The following DNAAF4 variants were observed in gnomAD, a reference collection of about 807,000 sequenced individuals.
DNAAF4 encodes dynein axonemal assembly factor 4, also known as dynein assembly factor 4, axonemal.
Under a neutral mutation model 51.8 loss-of-function variants are expected in DNAAF4, and 43 were observed. The observed-to-expected ratio is 0.83, with a 90% CI of 0.65 to 1.07. DNAAF4 has a LOEUF of 1.07. Among genes scored for constraint, DNAAF4 ranks in the 50% least tolerant of loss-of-function variants. The pLI is 0.00. For missense variants in DNAAF4, 581 were observed against 493.0 expected (o/e 1.18, Z -1.69); for synonymous variants, 194 against 165.6 (o/e 1.17, Z -1.32).
intron 4 of DNAAF4, among the ~76,000 whole-genome samples, chr15:55,479,218 C>T (rs1385111773): frequency 6.6e-6 from 1 of 151,580 alleles, no homozygotes; most frequent in Admixed American, 6.6e-5. Flanking sequence ...AGAACAAAAC[C>T]ACTTGGGCAA....
intron 4 of DNAAF4, among the ~76,000 whole-genome samples, chr15:55,487,960 T>C (rs991477382): frequency 6.6e-6 from 1 of 152,156 alleles, no homozygotes; most frequent in African/African-American, 2.4e-5. Context: ...TTAGCAAATA[T>C]GACACAGCAG....
chr15:55,474,476 G>C (rs961625307), intron 4 of DNAAF4, among the ~76,000 whole-genome samples: 6 of 152,134 alleles, frequency 3.9e-5, no homozygotes, highest in Admixed American at 1.3e-4. Context: ...GGAGGTTGCA[G>C]TGAGCCAAGA....
chr15:55,480,591 A>G (rs938730147), intron 4 of DNAAF4, among the ~76,000 whole-genome samples: 1 of 151,886 alleles, frequency 6.6e-6, no homozygotes, highest in South Asian at 2.1e-4. Flanking sequence ...CCCAATAACC[A>G]GTCTCTCATT....
intron 5 of DNAAF4, among the ~76,000 whole-genome samples, chr15:55,464,074 T>G (rs1384746773): frequency 1.3e-5 from 2 of 152,192 alleles, no homozygotes. Context: ...AAGGCCACAG[T>G]TACCAAAACA....
chr15:55,427,304 GA>G (rs1471654629), downstream of DNAAF4, among the ~76,000 whole-genome samples: 1 of 152,122 alleles, frequency 6.6e-6, no homozygotes, highest in Non-Finnish European at 1.5e-5. Context: ...CTGGCCTCGT[GA>G]TCCACTCGCC....
intron 5 of DNAAF4, among the ~76,000 whole-genome samples, chr15:55,451,022 G>C (rs2057924152): frequency 6.6e-6 from 1 of 152,172 alleles, no homozygotes; most frequent in South Asian, 2.1e-4. Flanking sequence ...GCTTGAACCT[G>C]GGAGGTGGAG....
chr15:55,486,425 T>A (rs1056270987), intron 4 of DNAAF4, among the ~76,000 whole-genome samples: 4 of 151,996 alleles, frequency 2.6e-5, no homozygotes, highest in Non-Finnish European at 5.9e-5. Flanking sequence ...AACTCCTGAC[T>A]TCAGGTGATC....
intron 4 of DNAAF4, among the ~76,000 whole-genome samples, chr15:55,480,343 C>G (rs907304319): frequency 2.6e-5 from 4 of 152,100 alleles, no homozygotes; most frequent in African/African-American, 9.7e-5. Context: ...CCCCCGATAC[C>G]CAAGGCCCCC....
intron 5 of DNAAF4, among the ~76,000 whole-genome samples, chr15:55,458,297 G>T (rs1291733326): frequency 6.6e-6 from 1 of 151,860 alleles, no homozygotes; most frequent in Non-Finnish European, 1.5e-5. Context: ...AAAAAAGGAG[G>T]ATATGAATGG....
chr15:55,422,382 A>AT (rs1472389195), intron 7 of DNAAF4, among the ~76,000 whole-genome samples: 1 of 152,214 alleles, frequency 6.6e-6, no homozygotes, highest in Admixed American at 6.6e-5. Context: ...ATTGAAGATT[A>AT]TCACTTGGAA....
chr15:55,445,030 C>A (rs1484388028), intron 6 of DNAAF4, among the ~76,000 whole-genome samples: 3 of 132,296 alleles, frequency 2.3e-5, no homozygotes, highest in Non-Finnish European at 4.9e-5. Flanking sequence ...TAATTGAATA[C>A]CCTTTTTTTT....
At chr15:55,442,308 G>C (rs527656917) in intron 6 of DNAAF4, among the ~76,000 whole-genome samples, 2 of 152,164 alleles carry the variant, frequency 1.3e-5, no homozygotes, top group African/African-American at 4.8e-5. Context: ...TAGTAGAGAC[G>C]GGGTTTCATC....
intron 8 of DNAAF4, among the ~76,000 whole-genome samples, chr15:55,433,888 ATAT>A (rs1264663159): frequency 0.016 from 269 of 17,048 alleles, 7 homozygotes; most frequent in Middle Eastern, 0.022. Context: ...CATATATTAT[ATAT>A]ATATTATATA....
chr15:55,470,996 G>T (rs1332600992), intron 4 of DNAAF4, among the ~76,000 whole-genome samples: 1 of 151,496 alleles, frequency 6.6e-6, no homozygotes, highest in East Asian at 1.9e-4. Context: ...TGGGACCACA[G>T]GCCCGCAGCA....
In DNAAF4 at chr15:55,503,401, G is replaced by A. The variant is rs56940016; in HGVS notation, c.-256+4721C>T. Among the ~76,000 whole-genome samples the A allele has an allele frequency of 3.7e-3, 568 of 152,310 alleles. 5 individuals carry two copies. The highest frequency in any genetic ancestry group is 0.013 in the African/African-American group (546 of 41,566). On this transcript the variant is annotated intron_variant, in intron 1 of 9. Transcript: ENST00000321149. The stretch of plus-strand genomic sequence containing the variant: ...AACTATTCCAATCAATCGGAAAAGA[G>A]GGAATCCTCCCCAACTCATTTTATG...
chr15:55,483,849 T>A (rs1338786475), intron 4 of DNAAF4, among the ~76,000 whole-genome samples: 9 of 72,036 alleles, frequency 1.2e-4, no homozygotes, highest in Admixed American at 2.8e-4. Context: ...TTTTTTTTTT[T>A]TTTTTTTTTT....
At chr15:55,474,807 C>T (rs1389724053) in intron 4 of DNAAF4, among the ~76,000 whole-genome samples, 3 of 151,938 alleles carry the variant, frequency 2.0e-5, no homozygotes, top group Non-Finnish European at 4.4e-5. Flanking sequence ...GGTGAAACCT[C>T]GTCTCTACTA....
chr15:55,419,306 C>A (rs187305714), intron 7 of DNAAF4, among the ~76,000 whole-genome samples: 170 of 152,204 alleles, frequency 1.1e-3, no homozygotes, highest in African/African-American at 3.9e-3. Context: ...TTCACTGCAA[C>A]CTTGGACTCC....
At chr15:55,443,127 C>T (rs539219473) in intron 6 of DNAAF4, 26 of 1,610,556 alleles carry the variant, frequency 1.6e-5, no homozygotes, top group Non-Finnish European at 2.2e-5. Context: ...TATATGAAGG[C>T]AAACGTTTCC....
Sources: gnomAD v4.1 joint callset for allele counts (sites outside exome capture counted in the v4.1 genomes callset) on GRCh38, gnomAD v4.1.1 for gene constraint, MANE v1.5 for transcripts, NCBI Gene and HGNC (gene_info 2026-07-23, HGNC 2026-07-21) for gene names.